UBE2G2: variants seen among roughly 807,000 people sequenced by gnomAD.
UBE2G2 encodes the protein ubiquitin-conjugating enzyme E2 G2.
UBE2G2 carries 10 observed loss-of-function variants against 23.0 expected under a neutral mutation model. The observed-to-expected ratio is 0.43, with a 90% CI of 0.27 to 0.74. UBE2G2 has a LOEUF of 0.74. Among genes scored for constraint, UBE2G2 ranks in the 30% least tolerant of loss-of-function variants. The pLI is 0.19. For missense variants in UBE2G2, 150 were observed against 218.3 expected, an observed-to-expected ratio of 0.69 and a Z score of 1.97; for synonymous variants, 86 against 81.3, an observed-to-expected ratio of 1.06 and a Z score of -0.31.
rs2082875848 is a variant in UBE2G2, at chr21:44,771,633, C to T, written c.386-144G>A. ...AAAGAACCTGAGAACTGCATGGGGT[C>T]GGCCCCACCTCTAGAGTGCTGGCCA... On this transcript the variant is annotated intron_variant, in intron 5 of 5. Coordinates refer to ENST00000345496, the MANE Select transcript of UBE2G2 (RefSeq NM_003343.6). The surrounding 1 kb of genome is among the most constrained non-coding windows in gnomAD (Gnocchi z 4.6). The T allele has an allele frequency of 4.8e-6, 4 of 826,404 alleles. No individual in the cohort carries two copies. Among genetic ancestry groups the T allele is most frequent in the Admixed American group, 2.3e-5 (1 of 43,370 alleles). The allele number at this position is 826,404 out of a possible 1,614,324, so 51.2% of individuals were successfully genotyped here.
intron 3 of UBE2G2, among the ~76,000 whole-genome samples, chr21:44,778,188 G>A (rs963710863): frequency 3.9e-5 from 6 of 152,336 alleles, no homozygotes; most frequent in Middle Eastern, 3.4e-3. Flanking sequence ...TATTTCAAAG[G>A]TGATTTTTAA....
intron 3 of UBE2G2, among the ~76,000 whole-genome samples, chr21:44,780,104 C>T (rs2082944731): frequency 6.6e-6 from 1 of 151,990 alleles, no homozygotes; most frequent in African/African-American, 2.4e-5. Flanking sequence ...TTTTTTAATC[C>T]ACCAGGTCGT....
chr21:44,786,866 C>T (rs1487180622), intron 3 of UBE2G2, among the ~76,000 whole-genome samples: 5 of 152,156 alleles, frequency 3.3e-5, no homozygotes, highest in African/African-American at 9.7e-5. Flanking sequence ...CCAAGGCAGG[C>T]GGAACACCTG....
At chr21:44,788,917 A>G (rs1327229142) in intron 1 of UBE2G2, among the ~76,000 whole-genome samples, 7 of 152,066 alleles carry the variant, frequency 4.6e-5, no homozygotes, top group African/African-American at 1.7e-4. Context: ...AAGAAATAAA[A>G]CTCATTATTC....
chr21:44,790,448 T>A (rs886753872), intron 1 of UBE2G2, among the ~76,000 whole-genome samples: 6 of 152,228 alleles, frequency 3.9e-5, no homozygotes, highest in Admixed American at 2.0e-4. Flanking sequence ...ATGGTTTGGC[T>A]TTGTGTCCCC....
At chr21:44,794,932 A>G (rs2083074216) in intron 1 of UBE2G2, among the ~76,000 whole-genome samples, 1 of 152,226 alleles carries the variant, frequency 6.6e-6, no homozygotes, top group Non-Finnish European at 1.5e-5. Context: ...AAACACGTGA[A>G]ATGATGCTCA....
rs570606897 is a variant in UBE2G2 at position 44,773,044 on chromosome 21, AC to A, written c.385+502del. 2.6e-4 allele frequency among the ~76,000 whole-genome samples: 40 copies of A among 151,996 alleles called. No individual in the cohort carries two copies. In the South Asian group the frequency reaches 8.1e-3, roughly 31 times the overall value. The stretch of plus-strand genomic sequence containing the variant: ...CCCAGGCTGCTTCCTTTGCCCCAAA[AC>A]CCCATTCCCTCCCTCCTACCTCATC... On this transcript the variant is annotated intron_variant, in intron 5 of 5. Coordinates refer to ENST00000345496, the MANE Select transcript of UBE2G2 (RefSeq NM_003343.6).
In UBE2G2 at chr21:44,770,295, T is replaced by C. The variant is rs1021130631; in HGVS notation, c.*1082A>G. 3 of 152,260 alleles carry C rather than the reference T, an allele frequency of 2.0e-5. No homozygotes were observed. The highest frequency in any genetic ancestry group is 2.9e-5 in the Non-Finnish European group (2 of 68,048). The allele number at this position is 152,260 out of a possible 1,614,324, so 9.4% of individuals were successfully genotyped here. ...TTTTCTGTAGATCCAGAAGAAACTT[T>C]CATTGAAACTTTAAAGACCTCACCT... is the stretch of plus-strand genomic sequence containing the variant. On this transcript the variant is annotated 3_prime_UTR_variant, in exon 6 of 6. Coordinates refer to ENST00000345496, the MANE Select transcript of UBE2G2 (RefSeq NM_003343.6).
chr21:44,779,906 C>T (rs2082943401), intron 3 of UBE2G2, among the ~76,000 whole-genome samples: 1 of 152,170 alleles, frequency 6.6e-6, no homozygotes, highest in Non-Finnish European at 1.5e-5. Flanking sequence ...CATAAAGATA[C>T]TATCTTTAAA....
Position 44,801,790 on chromosome 21 carries a change from G to T in UBE2G2, c.-42C>A, listed in dbSNP as rs556508977. The T allele has an allele frequency of 4.0e-6, 6 of 1,503,680 alleles. No homozygotes were observed. Among genetic ancestry groups the T allele is most frequent in the Non-Finnish European group, 5.3e-6 (6 of 1,130,096 alleles). 93.1% of individuals were successfully genotyped at this position (1,503,680 alleles called of 1,614,324 possible). ...CGCCGAGCGACCTCGCCTCAGCCGCGCGCGTGCCTCCTGCCCCGACACCGG... is the reference window on the plus strand; with the variant it reads ...CGCCGAGCGACCTCGCCTCAGCCGCTCGCGTGCCTCCTGCCCCGACACCGG... On this transcript the variant is annotated 5_prime_UTR_variant, in exon 1 of 6. Transcript: ENST00000345496.
At chr21:44,790,627 T>C (rs781984617) in intron 1 of UBE2G2, among the ~76,000 whole-genome samples, 2 of 152,222 alleles carry the variant, frequency 1.3e-5, no homozygotes, top group East Asian at 3.8e-4. Context: ...CTCTTCTTTC[T>C]TGCCACCTTG....
chr21:44,796,540 C>G (rs1440376442), intron 1 of UBE2G2, among the ~76,000 whole-genome samples: 1 of 151,906 alleles, frequency 6.6e-6, no homozygotes, highest in Non-Finnish European at 1.5e-5. Flanking sequence ...GTAAATGATA[C>G]ACAAAAAAAA....
At position 44,772,514 on chromosome 21, in the gene UBE2G2, A is replaced by G. The variant is rs141120550; in HGVS notation, c.386-1025T>C. 3.1e-3 allele frequency among the ~76,000 whole-genome samples: 475 copies of G among 152,044 alleles called. 7 individuals are homozygous for G. The highest frequency in any genetic ancestry group is 0.011 in the African/African-American group (449 of 41,456). ...ACACCCTTCCTCCTGACTGCCCTGGAAGACCCCTCCCTGCTATGCTGTCAC... is the reference window on the plus strand; with the variant it reads ...ACACCCTTCCTCCTGACTGCCCTGGGAGACCCCTCCCTGCTATGCTGTCAC... On this transcript the variant is annotated intron_variant, in intron 5 of 5. Coordinates refer to ENST00000345496, the MANE Select transcript of UBE2G2 (RefSeq NM_003343.6). This position sits in a 1 kb window ranked among gnomAD's most constrained non-coding sequence, Gnocchi z 5.4.
Position 44,778,145 on chromosome 21 carries a change from A to T in UBE2G2, c.126-728T>A, listed in dbSNP as rs1280683201. On this transcript the variant is annotated intron_variant, in intron 3 of 5. Transcript: ENST00000345496. Reference sequence around the variant, plus strand: ...ACGGCACAGGGTATAGCAAGATTACATTGTATTTCAACAGATGTGGGGCTA... The same window carrying T: ...ACGGCACAGGGTATAGCAAGATTACTTTGTATTTCAACAGATGTGGGGCTA... 3.3e-5 allele frequency among the ~76,000 whole-genome samples: 5 copies of T among 152,260 alleles called. No homozygotes were observed. In the East Asian group the frequency reaches 9.6e-4, roughly 29 times the overall value.
intron 1 of UBE2G2, among the ~76,000 whole-genome samples, chr21:44,792,664 C>T (rs1029830284): frequency 2.6e-5 from 4 of 152,152 alleles, no homozygotes; most frequent in Admixed American, 6.5e-5. Flanking sequence ...AGTATAAGAA[C>T]GGACTAATGT....
intron 1 of UBE2G2, chr21:44,800,132 G>A (rs1710325262): frequency 1.3e-5 from 2 of 152,216 alleles, no homozygotes; most frequent in South Asian, 2.1e-4. Context: ...GAGACACGAA[G>A]CGAGCAAAAA....
intron 1 of UBE2G2, among the ~76,000 whole-genome samples, chr21:44,795,639 AAAAGAAAGAAAG>A (rs200177196): frequency 4.1e-4 from 62 of 152,156 alleles, no homozygotes; most frequent in African/African-American, 1.5e-3. Flanking sequence ...CTCAAAAAAA[AAAAGAAAGAAAG>A]AAAGAAAAAA....
At position 44,771,319 on chromosome 21, in the gene UBE2G2, G is replaced by A; in HGVS notation, c.*58C>T. ...ACAGAGCATCACTGTCACTAAGTGT[G>A]CCGGGGGAGAATGCTGAGCTGCTTG... is the stretch of plus-strand genomic sequence containing the variant. On this transcript the variant is annotated 3_prime_UTR_variant, in exon 6 of 6. Coordinates refer to ENST00000345496, the MANE Select transcript of UBE2G2 (RefSeq NM_003343.6). The surrounding 1 kb of genome is among the most constrained non-coding windows in gnomAD (Gnocchi z 4.6). The A allele has an allele frequency of 1.3e-6, 2 of 1,499,520 alleles. No homozygotes were observed. The highest frequency in any genetic ancestry group is 1.8e-6 in the Non-Finnish European group (2 of 1,082,402). The allele number at this position is 1,499,520 out of a possible 1,614,324, so 92.9% of individuals were successfully genotyped here. A position where few individuals can be genotyped will look rare whatever the true frequency, so the allele number is the denominator to read the frequency against.
intron 3 of UBE2G2, among the ~76,000 whole-genome samples, chr21:44,785,975 T>C (rs1424569309): frequency 1.3e-5 from 2 of 152,254 alleles, no homozygotes; most frequent in Non-Finnish European, 2.9e-5. Context: ...TGGTAATAGT[T>C]ACCCTAATCG....
Sources: allele counts gnomAD v4.1 joint callset (sites outside exome capture counted in the v4.1 genomes callset), GRCh38; gene constraint gnomAD v4.1.1; non-coding constraint Gnocchi (gnomAD v3.1); transcripts MANE v1.5; gene names NCBI Gene and HGNC (gene_info 2026-07-23, HGNC 2026-07-21).